The following RBMS3 variants were observed in gnomAD, a reference collection of about 807,000 sequenced individuals.
RBMS3 encodes the protein RNA-binding motif, single-stranded-interacting protein 3.
A neutral mutation model predicts 66.8 loss-of-function variants in RBMS3; 27 were observed. The ratio of observed to expected loss-of-function variants is 0.40; its 90% CI spans 0.30 to 0.56. The LOEUF is 0.56. Ranked by LOEUF, RBMS3 falls within the 20% of genes least tolerant of loss-of-function variation. The pLI is 0.40. For synonymous variants in RBMS3, 188 were observed against 183.0 expected (o/e 1.03, Z -0.22); for missense variants, 513 against 549.5 (o/e 0.93, Z 0.66).
chr3:29,390,781 T>C (rs374159658), intron 1 of RBMS3: 22 of 153,450 alleles, frequency 1.4e-4, no homozygotes, highest in East Asian at 1.4e-3. Flanking sequence ...TCTTTGGCTC[T>C]TTCACTGCCA....
At chr3:29,959,080 G>A (rs1696232736) in intron 12 of RBMS3, among the ~76,000 whole-genome samples, 1 of 152,150 alleles carries the variant, frequency 6.6e-6, no homozygotes, top group Non-Finnish European at 1.5e-5. Context: ...AGCATATGGT[G>A]AAAGAATGAA....
chr3:29,729,868 A>T (rs903568829), intron 4 of RBMS3, among the ~76,000 whole-genome samples: 3 of 152,188 alleles, frequency 2.0e-5, no homozygotes, highest in Non-Finnish European at 2.9e-5. Flanking sequence ...GAAGAACAAC[A>T]AAAAGAACAA....
intron 10 of RBMS3, among the ~76,000 whole-genome samples, chr3:29,915,379 A>T (rs1295219402): frequency 1.3e-5 from 2 of 151,874 alleles, no homozygotes; most frequent in African/African-American, 4.8e-5. Flanking sequence ...AAAAAGCTAC[A>T]TAGGGGGATG....
intron 10 of RBMS3, among the ~76,000 whole-genome samples, chr3:29,934,635 T>C (rs2061218730): frequency 6.6e-6 from 1 of 152,104 alleles, no homozygotes; most frequent in Non-Finnish European, 1.5e-5. Flanking sequence ...ACAACACAAA[T>C]GCACAATTGT....
intron 2 of RBMS3, among the ~76,000 whole-genome samples, chr3:29,442,736 A>C (rs2041673952): frequency 6.6e-6 from 1 of 152,078 alleles, no homozygotes; most frequent in Non-Finnish European, 1.5e-5. Context: ...TTAATTGATA[A>C]ATACAGCTGA....
At chr3:29,542,990 A>C (rs528858500) in intron 3 of RBMS3, among the ~76,000 whole-genome samples, 10 of 152,336 alleles carry the variant, frequency 6.6e-5, no homozygotes, top group African/African-American at 2.4e-4. Flanking sequence ...ATGATAAAAC[A>C]TGGGTTATAG....
At chr3:29,654,895 G>C (rs1014477680) in intron 4 of RBMS3, among the ~76,000 whole-genome samples, 2 of 151,850 alleles carry the variant, frequency 1.3e-5, no homozygotes, top group Non-Finnish European at 2.9e-5. Context: ...ACTGCACCTG[G>C]CCAAAATATT....
At chr3:29,690,428 A>C (rs1017735927) in intron 4 of RBMS3, among the ~76,000 whole-genome samples, 8 of 152,174 alleles carry the variant, frequency 5.3e-5, no homozygotes, top group Non-Finnish European at 1.2e-4. Context: ...ACCCTGTCTC[A>C]AAAAAATGAA....
intron 1 of RBMS3, chr3:29,391,009 C>T: frequency 2.8e-6 from 1 of 362,972 alleles, no homozygotes; most frequent in Non-Finnish European, 6.0e-6. Context: ...TTACATTCAA[C>T]TGTAATGAGC....
In RBMS3 at chr3:29,357,498, G is replaced by A. The variant is rs543217429; in HGVS notation, c.75+75742G>A. On this transcript the variant is annotated intron_variant, in intron 1 of 14. Coordinates refer to ENST00000383767, the MANE Select transcript of RBMS3 (RefSeq NM_001003793.3). ...AGTCTTGGCGATTGTGAGTAGTGCC[G>A]CAATAAACATACATGTGCATGTGTT... 3.7e-4 allele frequency among the ~76,000 whole-genome samples: 56 copies of A among 152,200 alleles called. No homozygotes were observed. In the South Asian group the frequency reaches 9.3e-3, roughly 25 times the overall value.
At chr3:29,383,897 G>C (rs2038883354) in intron 1 of RBMS3, among the ~76,000 whole-genome samples, 1 of 152,204 alleles carries the variant, frequency 6.6e-6, no homozygotes, top group South Asian at 2.1e-4. Flanking sequence ...AGATTGAAAA[G>C]GCAAAGTGTG....
chr3:29,692,698 G>A (rs935931758), intron 4 of RBMS3, among the ~76,000 whole-genome samples: 3 of 151,996 alleles, frequency 2.0e-5, no homozygotes, highest in South Asian at 2.1e-4. Flanking sequence ...AAAGCACATC[G>A]CAAATGTGAA....
rs1699861622 is a variant in RBMS3, at chr3:30,008,382, T to C, written c.*4520T>C. ...CACTAATAAATGTTTTTTTATATGATTTGAAATCAAGTAAAGGGACAATGT... is the reference window on the plus strand; with the variant it reads ...CACTAATAAATGTTTTTTTATATGACTTGAAATCAAGTAAAGGGACAATGT... On this transcript the variant is annotated 3_prime_UTR_variant, in exon 15 of 15. Transcript: ENST00000383767. The C allele has an allele frequency of 6.6e-6, 1 of 152,138 alleles. No individual in the cohort carries two copies. Among genetic ancestry groups the C allele is most frequent in the South Asian group, 2.1e-4 (1 of 4,830 alleles). 9.4% of individuals were successfully genotyped at this position (152,138 alleles called of 1,614,324 possible).
At chr3:29,567,308 A>C (rs2046778980) in intron 3 of RBMS3, among the ~76,000 whole-genome samples, 1 of 152,170 alleles carries the variant, frequency 6.6e-6, no homozygotes, top group South Asian at 2.1e-4. Context: ...CCAGGAGTTG[A>C]TAAATGAATA....
chr3:29,917,335 T>G (rs1458048632), intron 10 of RBMS3, among the ~76,000 whole-genome samples: 2 of 152,248 alleles, frequency 1.3e-5, no homozygotes, highest in East Asian at 3.9e-4. Flanking sequence ...GGCGATGTCC[T>G]TCCTTCAAGA....
intron 1 of RBMS3, among the ~76,000 whole-genome samples, chr3:29,331,245 G>A (rs985684924): frequency 7.2e-5 from 11 of 152,040 alleles, no homozygotes; most frequent in African/African-American, 2.7e-4. Flanking sequence ...TGTTTGACTT[G>A]TGCAGGCTAG....
chr3:29,684,975 A>G (rs993233204), intron 4 of RBMS3, among the ~76,000 whole-genome samples: 1 of 151,884 alleles, frequency 6.6e-6, no homozygotes, highest in Non-Finnish European at 1.5e-5. Context: ...TCCTGTTACT[A>G]TGTGTGTATG....
At chr3:29,322,578 C>G (rs908074366) in intron 1 of RBMS3, among the ~76,000 whole-genome samples, 3 of 151,546 alleles carry the variant, frequency 2.0e-5, no homozygotes, top group South Asian at 2.1e-4. Context: ...TTTAAAGTAC[C>G]TAGTCCAGAT....
intron 3 of RBMS3, among the ~76,000 whole-genome samples, chr3:29,579,471 T>G (rs1193051038): frequency 6.6e-6 from 1 of 152,144 alleles, no homozygotes; most frequent in Non-Finnish European, 1.5e-5. Flanking sequence ...GAGGGAAGAA[T>G]GGGACAGCCA....
Sources: allele counts gnomAD v4.1 joint callset (sites outside exome capture counted in the v4.1 genomes callset), GRCh38; gene constraint gnomAD v4.1.1; transcripts MANE v1.5; gene names NCBI Gene and HGNC (gene_info 2026-07-23, HGNC 2026-07-21).